Variants in PTPN14 observed in about 807,000 individuals in gnomAD.
PTPN14 encodes protein tyrosine phosphatase non-receptor type 14.
In PTPN14, 53 loss-of-function variants were observed where a neutral mutation model predicts 126.8. The ratio of observed to expected loss-of-function variants is 0.42; its 90% CI spans 0.34 to 0.53. PTPN14 has a LOEUF of 0.53. PTPN14 is among the 20% of genes least tolerant of loss of function. The pLI, the probability that PTPN14 is intolerant of heterozygous loss-of-function variation, is 0.08. For missense variants in PTPN14, 1,257 were observed against 1,552.9 expected (o/e 0.81, Z 3.20); for synonymous variants, 630 against 599.3 (o/e 1.05, Z -0.75).
rs543023194 is a variant in PTPN14, at chr1:214,367,933, CT to C, written c.3271+1523del. On this transcript the variant is annotated intron_variant, in intron 17 of 18. Coordinates refer to ENST00000366956, the MANE Select transcript of PTPN14 (RefSeq NM_005401.5). ...AGTGGGTACATGCCCAATTTTGGGT[CT>C]TTCAAATAAAAATACTGCACATAAT... Among the ~76,000 whole-genome samples, 611 of 152,298 alleles carry C rather than the reference CT, an allele frequency of 4.0e-3. 6 individuals are homozygous for C. Among genetic ancestry groups the C allele is most frequent in the African/African-American group, 0.014 (561 of 41,554 alleles).
chr1:214,454,852 T>C (rs10864098), intron 2 of PTPN14, among the ~76,000 whole-genome samples: 41,058 of 152,086 alleles, frequency 0.27, 6,293 homozygotes, highest in Non-Finnish European at 0.34. Context: ...CAGGGCAGAA[T>C]TGGGGGAGGC....
At chr1:214,444,189 T>C (rs1419195436) in intron 3 of PTPN14, among the ~76,000 whole-genome samples, 2 of 152,248 alleles carry the variant, frequency 1.3e-5, no homozygotes, top group Non-Finnish European at 2.9e-5. Context: ...TCTTCTCTCA[T>C]CACATTGTAC....
At chr1:214,445,667 C>A (rs1660128092) in intron 3 of PTPN14, among the ~76,000 whole-genome samples, 1 of 152,064 alleles carries the variant, frequency 6.6e-6, no homozygotes, top group Admixed American at 6.6e-5. Context: ...TAAAAGTTTT[C>A]TCTTTAGTAT....
Position 214,384,549 on chromosome 1 carries a change from C to T in PTPN14, c.1306G>A (p.Val436Met), listed in dbSNP as rs374978011. Residue 436 changes from valine (V) to methionine (M), a missense_variant, in exon 13 of 19, where the codon GTG becomes ATG. Val to Met is a conservative substitution (Grantham distance 21). Transcript: ENST00000366956. The surrounding 1 kb of genome is among the most constrained non-coding windows in gnomAD (Gnocchi z 5.3). ...IPSHRHSAII[V>M]PSYRPTPDYE... ...TCGGGGGTTGGCCTGTACGAGGGCA[C>T]GATGATCGCGCTGTGCCGGTGGCTC... 12 of 1,613,914 alleles carry T rather than the reference C, an allele frequency of 7.4e-6. No individual in the cohort carries two copies. The highest frequency in any genetic ancestry group is 2.2e-5 in the East Asian group (1 of 44,886).
chr1:214,388,620 C>A (rs1658680001), intron 11 of PTPN14, among the ~76,000 whole-genome samples: 1 of 152,080 alleles, frequency 6.6e-6, no homozygotes, highest in East Asian at 1.9e-4. Context: ...GTTGGCCAGG[C>A]TGGTCTTGAA....
chr1:214,420,874 C>T (rs1352674235), intron 3 of PTPN14, among the ~76,000 whole-genome samples: 3 of 152,150 alleles, frequency 2.0e-5, no homozygotes, highest in Non-Finnish European at 4.4e-5. Flanking sequence ...GGAAAACATG[C>T]CAACAGAAGT....
At position 214,378,018 on chromosome 1, in the gene PTPN14, G is replaced by A; in HGVS notation, c.2629C>T (p.Arg877Ter). The A allele has an allele frequency of 6.2e-7, 1 of 1,606,406 alleles. No individual in the cohort carries two copies. The highest frequency in any genetic ancestry group is 8.5e-7 in the Non-Finnish European group (1 of 1,177,362). ...LAALNGLSVA[R>*]VSGREENRVD... ...CGATTCTCTTCCCGCCCTGAGACTC[G>A]AGCCACCGAGAGCCCATTCAATGCT... The change falls in exon 14 of 19, where the codon CGA (arginine) becomes TGA (stop). Residue 877 changes from arginine (R) to a stop codon, truncating the protein, a stop_gained. Coordinates refer to ENST00000366956, the MANE Select transcript of PTPN14 (RefSeq NM_005401.5). LOFTEE classifies it high-confidence loss of function.
intron 3 of PTPN14, among the ~76,000 whole-genome samples, chr1:214,441,607 G>C (rs1429614984): frequency 2.6e-5 from 4 of 152,092 alleles, no homozygotes. Context: ...TTTTGAAATT[G>C]ACACACCATT....
Position 214,384,836 on chromosome 1 carries a change from A to G in PTPN14, c.1067-48T>C, listed in dbSNP as rs1658571620. ...ACGTGAACCTCCAAGCCATCCTGCC[A>G]CAACAAAGTACATCCTCATACTCAT... On this transcript the variant is annotated intron_variant, in intron 12 of 18. Coordinates refer to ENST00000366956, the MANE Select transcript of PTPN14 (RefSeq NM_005401.5). The surrounding 1 kb of genome is among the most constrained non-coding windows in gnomAD (Gnocchi z 5.3). 1.9e-6 allele frequency: 3 copies of G among 1,568,352 alleles called. No homozygotes were observed. The highest frequency in any genetic ancestry group is 2.4e-5 in the South Asian group (2 of 82,978).
chr1:214,527,776 G>A (rs1270003060), intron 1 of PTPN14, among the ~76,000 whole-genome samples: 1 of 152,160 alleles, frequency 6.6e-6, no homozygotes, highest in Non-Finnish European at 1.5e-5. Flanking sequence ...AGAGAAAGTA[G>A]GTAAGCTGAA....
chr1:214,383,991 GGA>G lies in PTPN14; in HGVS notation c.1862_1863del (p.Leu621ProfsTer79), dbSNP rs1464220505. The G allele has an allele frequency of 6.2e-7, 1 of 1,609,664 alleles. No individual in the cohort carries two copies. Among genetic ancestry groups the G allele is most frequent in the Non-Finnish European group, 8.5e-7 (1 of 1,179,806 alleles). ...EDSSPVVHQS[L>X]QEVSEPLTAT... ...GCCGTGAGGGGCTCGCTCACCTCCT[GGA>G]GAGACTGATGAACCACCGGAGAGCT... On this transcript the variant is annotated frameshift_variant, in exon 13 of 19. Coordinates refer to ENST00000366956, the MANE Select transcript of PTPN14 (RefSeq NM_005401.5). LOFTEE classifies it high-confidence loss of function. The surrounding 1 kb of genome is among the most constrained non-coding windows in gnomAD (Gnocchi z 4.4).
chr1:214,531,183 CATT>C (rs1477762900), intron 1 of PTPN14: 2 of 152,122 alleles, frequency 1.3e-5, no homozygotes, highest in African/African-American at 4.8e-5. Context: ...ATAGTCACAT[CATT>C]AATACTCTTA....
intron 1 of PTPN14, among the ~76,000 whole-genome samples, chr1:214,513,488 G>C (rs1638687540): frequency 6.6e-6 from 1 of 151,682 alleles, no homozygotes; most frequent in South Asian, 2.1e-4. Context: ...TTTCAGTCTA[G>C]GCACAATTAT....
In PTPN14 at chr1:214,355,473, C is replaced by T. The variant is rs1482193055; in HGVS notation, c.*2449G>A. Reference sequence around the variant, plus strand: ...AGGAAAGGAAACAAGTATCTTTTTGCTTATTGATGAGCTTCTTATAATAAG... The same window carrying T: ...AGGAAAGGAAACAAGTATCTTTTTGTTTATTGATGAGCTTCTTATAATAAG... On this transcript the variant is annotated 3_prime_UTR_variant, in exon 19 of 19. Coordinates refer to ENST00000366956, the MANE Select transcript of PTPN14 (RefSeq NM_005401.5). The T allele has an allele frequency of 6.6e-6, 1 of 152,168 alleles. No homozygotes were observed. The highest frequency in any genetic ancestry group is 1.5e-5 in the Non-Finnish European group (1 of 68,014). 9.4% of individuals were successfully genotyped at this position (152,168 alleles called of 1,614,324 possible).
At chr1:214,370,451 C>T (rs947880234) in intron 16 of PTPN14, among the ~76,000 whole-genome samples, 1 of 151,996 alleles carries the variant, frequency 6.6e-6, no homozygotes, top group Admixed American at 6.6e-5. Flanking sequence ...TTAAACAAGG[C>T]GGGAAGGGGT....
chr1:214,427,542 T>G (rs1558097626), intron 3 of PTPN14, among the ~76,000 whole-genome samples: 1 of 152,192 alleles, frequency 6.6e-6, no homozygotes, highest in Non-Finnish European at 1.5e-5. Flanking sequence ...TGACAAAAGC[T>G]TAATGAGCAC....
At position 214,377,949 on chromosome 1, in the gene PTPN14, T is replaced by C. The variant is rs1658380743; in HGVS notation, c.2688+10A>G. 1.9e-6 allele frequency: 3 copies of C among 1,609,964 alleles called. No individual in the cohort carries two copies. The highest frequency in any genetic ancestry group is 2.5e-6 in the Non-Finnish European group (3 of 1,178,376). The stretch of plus-strand genomic sequence containing the variant: ...AGAGAATGAGTCACATTGACAAGCC[T>C]GCCACTTACCCTCTCGTCCATGGGA... On this transcript the variant is annotated intron_variant, in intron 14 of 18. Transcript: ENST00000366956.
Position 214,376,627 on chromosome 1 carries a change from CATATT to C in PTPN14, c.2689-195_2689-191del, listed in dbSNP as rs528006459. On this transcript the variant is annotated intron_variant, in intron 14 of 18. Coordinates refer to ENST00000366956, the MANE Select transcript of PTPN14 (RefSeq NM_005401.5). ...TCTAATAACCATTTTCCTTCTTACT[CATATT>C]ATAAGTAGAACAAATCTGCAAGAAC... Among the ~76,000 whole-genome samples the C allele has an allele frequency of 1.2e-4, 18 of 152,290 alleles. No homozygotes were observed. In the South Asian group the frequency reaches 3.3e-3, roughly 28 times the overall value.
At chr1:214,387,515 A>G (rs560481832) in intron 11 of PTPN14, among the ~76,000 whole-genome samples, 2 of 152,102 alleles carry the variant, frequency 1.3e-5, no homozygotes, top group African/African-American at 4.8e-5. Flanking sequence ...CGTCTCCAAG[A>G]AAAAAAGAAA....
Sources: gnomAD v4.1 joint callset for allele counts (sites outside exome capture counted in the v4.1 genomes callset) on GRCh38, gnomAD v4.1.1 for gene constraint, Gnocchi (gnomAD v3.1) non-coding constraint, MANE v1.5 for transcripts, NCBI Gene and HGNC (gene_info 2026-07-23, HGNC 2026-07-21) for gene names.